UBE3D: variants seen among roughly 807,000 people sequenced by gnomAD.
UBE3D encodes the protein ubiquitin protein ligase E3D, also known as E3 ubiquitin-protein ligase E3D.
UBE3D carries 48 observed loss-of-function variants against 49.6 expected under a neutral mutation model. The observed-to-expected ratio is 0.97, with a 90% CI of 0.77 to 1.23. The LOEUF (loss-of-function observed/expected upper bound fraction) is 1.23. Ranked by LOEUF, UBE3D falls within the 50% of genes most tolerant of loss-of-function variation. UBE3D has a pLI of 0.00. For synonymous variants in UBE3D, 189 were observed against 174.2 expected (o/e 1.08, Z -0.67); for missense variants, 452 against 468.4 (o/e 0.96, Z 0.32).
chr6:83,063,823 G>C (rs570659535), intron 1 of UBE3D, among the ~76,000 whole-genome samples: 20 of 152,212 alleles, frequency 1.3e-4, no homozygotes, highest in African/African-American at 4.8e-4. Flanking sequence ...GAACTGTTTG[G>C]CAATTTCTCA....
chr6:83,057,768 C>G, intron 2 of UBE3D, 58 bp downstream of exon 2: 1 of 1,548,282 alleles, frequency 6.5e-7, no homozygotes, highest in Admixed American at 1.8e-5. Flanking sequence ...AAGGAAAAAT[C>G]ACCTTTGGTT....
At chr6:83,045,816 CT>C (rs1562223571) in intron 3 of UBE3D, among the ~76,000 whole-genome samples, 1 of 152,208 alleles carries the variant, frequency 6.6e-6, no homozygotes, top group Middle Eastern at 3.4e-3. Flanking sequence ...CACTAATATC[CT>C]TTTTTTCTGT....
chr6:82,957,597 A>C, intron 8 of UBE3D, 147 bp from the exon 9 acceptor site: 3 of 1,044,192 alleles, frequency 2.9e-6, no homozygotes, highest in South Asian at 1.9e-5. Flanking sequence ...CACAGAGAAC[A>C]TGTCCAAGAC....
intron 9 of UBE3D, among the ~76,000 whole-genome samples, chr6:82,918,295 A>AC (rs896078858): frequency 2.0e-5 from 3 of 151,950 alleles, no homozygotes; most frequent in African/African-American, 7.3e-5. Flanking sequence ...AACAACAAAA[A>AC]AAAAACAAAA....
chr6:83,019,324 T>TA (rs74721575), intron 7 of UBE3D, among the ~76,000 whole-genome samples, 188 bp from the exon 8 acceptor site: 123 of 130,100 alleles, frequency 9.5e-4, no homozygotes, highest in African/African-American at 1.4e-3. Context: ...GACATAAAGT[T>TA]AAAAAAAAAA....
intron 8 of UBE3D, among the ~76,000 whole-genome samples, chr6:82,996,614 C>A (rs1779259003): frequency 1.3e-5 from 2 of 152,042 alleles, no homozygotes; most frequent in African/African-American, 4.8e-5. Context: ...AAAAACCTGA[C>A]CAACACTACC....
chr6:82,961,734 G>C (rs1184539828), intron 8 of UBE3D, among the ~76,000 whole-genome samples: 1 of 151,996 alleles, frequency 6.6e-6, no homozygotes, highest in Non-Finnish European at 1.5e-5. Flanking sequence ...TTATTTGGTG[G>C]GAGGATCACC....
chr6:83,041,652 T>C (rs1367910923), intron 4 of UBE3D, among the ~76,000 whole-genome samples: 2 of 152,180 alleles, frequency 1.3e-5, no homozygotes, highest in African/African-American at 4.8e-5. Context: ...TACTTGTGAA[T>C]ACTTACAGAG....
rs942487602 is a variant in UBE3D, at chr6:82,935,925, GA to G, written c.1149+21386del. On this transcript the variant is annotated intron_variant, in intron 9 of 9. Transcript: ENST00000369747. ...GAATACTACAGGAAGTGAGATGCAA[GA>G]AAAAAAAAAGCCTGACAATTATATG... 3.4e-4 allele frequency among the ~76,000 whole-genome samples: 48 copies of G among 142,514 alleles called. 1 individual carries two copies. The highest frequency in any genetic ancestry group is 9.5e-4 in the African/African-American group (37 of 38,858). 93.5% of individuals were successfully genotyped at this position (142,514 alleles called of 152,430 possible).
At chr6:82,884,168 G>C in the UBE3D span, among the ~76,000 whole-genome samples, 1 of 152,158 alleles carries the variant, frequency 6.6e-6, no homozygotes, top group Non-Finnish European at 1.5e-5. Flanking sequence ...CCCATTTTGG[G>C]ATCTGTGTTA....
chr6:82,959,079 G>A (rs1043864906), intron 8 of UBE3D, among the ~76,000 whole-genome samples: 9 of 152,004 alleles, frequency 5.9e-5, no homozygotes, highest in Admixed American at 4.6e-4. Flanking sequence ...TCTCACCTTG[G>A]TATGGAGAGG....
At chr6:82,907,832 C>T (rs1238306337) in intron 9 of UBE3D, among the ~76,000 whole-genome samples, 1 of 152,044 alleles carries the variant, frequency 6.6e-6, no homozygotes, top group Non-Finnish European at 1.5e-5. Flanking sequence ...CAATTCCATT[C>T]CTAGATATGT....
intron 8 of UBE3D, among the ~76,000 whole-genome samples, chr6:83,005,139 C>T (rs1337777868): frequency 2.6e-5 from 4 of 151,998 alleles, no homozygotes; most frequent in African/African-American, 9.7e-5. Context: ...AACTCAATAA[C>T]AAATTAAAAG....
At chr6:82,956,297 C>T (rs1473014463) in intron 9 of UBE3D, among the ~76,000 whole-genome samples, 5 of 152,168 alleles carry the variant, frequency 3.3e-5, no homozygotes, top group Admixed American at 6.5e-5. Flanking sequence ...TGTCAAGAGT[C>T]GCAGATATGT....
At chr6:83,000,382 TG>T (rs1486328340) in intron 8 of UBE3D, among the ~76,000 whole-genome samples, 3 of 152,200 alleles carry the variant, frequency 2.0e-5, no homozygotes, top group Non-Finnish European at 4.4e-5. Context: ...CAGTATATAG[TG>T]GCCCATTCCT....
the UBE3D span, among the ~76,000 whole-genome samples, chr6:82,884,796 G>A: frequency 6.6e-6 from 1 of 152,164 alleles, no homozygotes; most frequent in Non-Finnish European, 1.5e-5. Flanking sequence ...AAGGGAGGAG[G>A]ACGGGTTCAC....
intron 5 of UBE3D, among the ~76,000 whole-genome samples, chr6:83,024,726 T>G (rs908059993): frequency 1.3e-5 from 2 of 152,174 alleles, no homozygotes; most frequent in African/African-American, 4.8e-5. Flanking sequence ...TTAGAACCAG[T>G]GTCCAGCAGT....
chr6:82,978,062 C>T (rs543044136), intron 8 of UBE3D, among the ~76,000 whole-genome samples: 2 of 152,112 alleles, frequency 1.3e-5, no homozygotes, highest in East Asian at 3.9e-4. Flanking sequence ...CCCCACATCT[C>T]GGTGGGAAAG....
intron 5 of UBE3D, among the ~76,000 whole-genome samples, chr6:83,030,762 A>G (rs190156416): frequency 6.6e-6 from 1 of 152,282 alleles, no homozygotes; most frequent in Admixed American, 6.5e-5. Flanking sequence ...AAGATAGGAA[A>G]TGGGGGAAAG....
Sources: allele counts gnomAD v4.1 joint callset (sites outside exome capture counted in the v4.1 genomes callset), GRCh38; gene constraint gnomAD v4.1.1; transcripts MANE v1.5; gene names NCBI Gene and HGNC (gene_info 2026-07-23, HGNC 2026-07-21).